NCOA1: variants seen among roughly 807,000 people sequenced by gnomAD.
NCOA1 encodes nuclear receptor coactivator 1, also known as Hin-2 protein.
A neutral mutation model predicts 150.9 loss-of-function variants in NCOA1; 35 were observed. The observed-to-expected ratio is 0.23, with a 90% CI of 0.18 to 0.31. The LOEUF (loss-of-function observed/expected upper bound fraction) is 0.31. NCOA1 is among the 10% of genes least tolerant of loss of function. The pLI is 1.00. For missense variants in NCOA1, 1,491 were observed against 1,749.3 expected (o/e 0.85, Z 2.63); for synonymous variants, 590 against 630.0 (o/e 0.94, Z 0.95).
intron 21 of NCOA1, among the ~76,000 whole-genome samples, chr2:24,761,838 T>C (rs1248004290): frequency 6.6e-6 from 1 of 152,246 alleles, no homozygotes; most frequent in Non-Finnish European, 1.5e-5. Context: ...AGGTAAAACC[T>C]TTAATATGCT....
At chr2:24,713,175 C>T (rs1319518566) in intron 14 of NCOA1, among the ~76,000 whole-genome samples, 1 of 151,982 alleles carries the variant, frequency 6.6e-6, no homozygotes, top group Non-Finnish European at 1.5e-5. Context: ...AGGTTGCAGT[C>T]AGCTGAGATC....
At chr2:24,599,783 A>G (rs954775531) in intron 3 of NCOA1, among the ~76,000 whole-genome samples, 6 of 144,042 alleles carry the variant, frequency 4.2e-5, no homozygotes, top group East Asian at 4.1e-4. Context: ...CTGGAGTGCA[A>G]TGGCATACAT....
At chr2:24,530,656 C>CT (rs1221807012) in intron 1 of NCOA1, among the ~76,000 whole-genome samples, 1 of 152,174 alleles carries the variant, frequency 6.6e-6, no homozygotes, top group African/African-American at 2.4e-5. Flanking sequence ...TTTGCATTTT[C>CT]TTTTTATTTT....
chr2:24,591,412 T>C (rs974326259), intron 3 of NCOA1, among the ~76,000 whole-genome samples: 2 of 152,136 alleles, frequency 1.3e-5, no homozygotes, highest in African/African-American at 2.4e-5. Context: ...TAGGAAAAAA[T>C]TGTATCTTTC....
chr2:24,715,291 CTG>C (rs1572632109), intron 14 of NCOA1, among the ~76,000 whole-genome samples: 1 of 151,936 alleles, frequency 6.6e-6, no homozygotes, highest in East Asian at 1.9e-4. Context: ...TGAAAAATAA[CTG>C]TTTAAAGCAA....
At chr2:24,546,470 A>G (rs755445487) in intron 1 of NCOA1, among the ~76,000 whole-genome samples, 3 of 152,240 alleles carry the variant, frequency 2.0e-5, no homozygotes, top group Non-Finnish European at 4.4e-5. Context: ...CTAAAATTAT[A>G]TTTGAAACTA....
At chr2:24,658,313 A>G (rs542655258) in intron 4 of NCOA1, among the ~76,000 whole-genome samples, 1 of 152,344 alleles carries the variant, frequency 6.6e-6, no homozygotes, top group Non-Finnish European at 1.5e-5. Context: ...CTCCAGTTCA[A>G]CATTCGGCTT....
At chr2:24,703,037 GT>G (rs1673238534) in intron 11 of NCOA1, among the ~76,000 whole-genome samples, 1 of 152,046 alleles carries the variant, frequency 6.6e-6, no homozygotes, top group African/African-American at 2.4e-5. Context: ...TATTTGTTGG[GT>G]TTTTTTCCCT....
chr2:24,759,907 ATTTATTATTT>A (rs773557383), intron 21 of NCOA1, among the ~76,000 whole-genome samples: 6 of 151,796 alleles, frequency 4.0e-5, no homozygotes, highest in Non-Finnish European at 7.4e-5. Context: ...GTTCCCTGCA[ATTTATTATTT>A]TTTCTTTAGT....
intron 3 of NCOA1, among the ~76,000 whole-genome samples, chr2:24,594,020 A>C (rs1274601116): frequency 6.6e-6 from 1 of 152,162 alleles, no homozygotes; most frequent in African/African-American, 2.4e-5. Flanking sequence ...CTGTGGACTA[A>C]GATCCTGATA....
chr2:24,717,269 T>C (rs578190450), intron 14 of NCOA1, among the ~76,000 whole-genome samples: 1 of 152,138 alleles, frequency 6.6e-6, no homozygotes, highest in South Asian at 2.1e-4. Flanking sequence ...CCCAAATGAG[T>C]TGAAAACTTA....
chr2:24,575,983 T>C (rs1167727382), intron 2 of NCOA1, among the ~76,000 whole-genome samples: 1 of 151,992 alleles, frequency 6.6e-6, no homozygotes, highest in Admixed American at 6.6e-5. Context: ...TTAGGGTGAG[T>C]CTGGAGCAGT....
At position 24,707,479 on chromosome 2, in the gene NCOA1, A is replaced by G; in HGVS notation, c.2009A>G (p.Asn670Ser). ...CTGTSNSASA[N>S]SSGGSCPSSH... The stretch of plus-strand genomic sequence containing the variant: ...GGCACTTCCAACTCTGCCTCTGCTA[A>G]CTCTTCAGGAGGTTCTTGTCCCTCT... The change falls in exon 13 of 23, where the codon AAC (asparagine) becomes AGC (serine). Residue 670 changes from asparagine to serine, a missense_variant. Coordinates refer to ENST00000348332, the MANE Select transcript of NCOA1 (RefSeq NM_003743.5). The G allele has an allele frequency of 2.5e-6, 4 of 1,614,166 alleles. No homozygotes were observed. The highest frequency in any genetic ancestry group is 3.4e-6 in the Non-Finnish European group (4 of 1,180,026).
intron 1 of NCOA1, among the ~76,000 whole-genome samples, chr2:24,533,934 T>C (rs1665008933): frequency 6.6e-6 from 1 of 152,240 alleles, no homozygotes; most frequent in African/African-American, 2.4e-5. Flanking sequence ...CAGGCTTTGG[T>C]ATCAGGATGA....
At position 24,729,550 on chromosome 2, in the gene NCOA1, C is replaced by T. The variant is rs768905950; in HGVS notation, c.2936C>T (p.Thr979Met). The change falls in exon 17 of 23, where the codon ACG becomes ATG. Residue 979 changes from threonine (T) to methionine (M), a missense_variant. Around this residue, in one of 8 missense-constraint regions of NCOA1, gnomAD observed 485 missense variants for 522.8 expected, o/e 0.93. Coordinates refer to ENST00000348332, the MANE Select transcript of NCOA1 (RefSeq NM_003743.5). ...GAGAGATTTCCACCACAACAAGCAA[C>T]GCCACCTTTGATCATGGAAGAAAGA... ...LSERFPPQQA[T>M]PPLIMEERPN... 13 of 1,614,148 alleles carry T rather than the reference C, an allele frequency of 8.1e-6. No individual in the cohort carries two copies. Among genetic ancestry groups the T allele is most frequent in the South Asian group, 4.4e-5 (4 of 91,086 alleles).
chr2:24,611,996 G>A (rs1668650777), intron 3 of NCOA1, among the ~76,000 whole-genome samples: 1 of 152,114 alleles, frequency 6.6e-6, no homozygotes, highest in African/African-American at 2.4e-5. Flanking sequence ...TTGTGTGGTT[G>A]CTTTATAGGG....
chr2:24,531,304 T>C (rs1442112527), intron 1 of NCOA1, among the ~76,000 whole-genome samples: 2 of 152,082 alleles, frequency 1.3e-5, no homozygotes, highest in Non-Finnish European at 2.9e-5. Flanking sequence ...CAATTCACAA[T>C]TGGAGAGATA....
intron 3 of NCOA1, among the ~76,000 whole-genome samples, chr2:24,618,882 G>A (rs1668994392): frequency 6.6e-6 from 1 of 152,144 alleles, no homozygotes; most frequent in South Asian, 2.1e-4. Context: ...GTCCCAAAGT[G>A]TAATTATACT....
At chr2:24,549,660 G>A (rs982078002) in intron 1 of NCOA1, among the ~76,000 whole-genome samples, 21 of 152,108 alleles carry the variant, frequency 1.4e-4, no homozygotes, top group East Asian at 1.9e-4. Context: ...TCCACCTCCC[G>A]CGTTTACGCC....
Sources: gnomAD v4.1 joint callset for allele counts (sites outside exome capture counted in the v4.1 genomes callset) on GRCh38, gnomAD v4.1.1 for gene constraint, gnomAD v4.1.1 regional missense constraint, MANE v1.5 for transcripts, NCBI Gene and HGNC (gene_info 2026-07-23, HGNC 2026-07-21) for gene names.